ARHGAP10: variants seen among roughly 807,000 people sequenced by gnomAD.
The protein encoded by ARHGAP10 is Rho GTPase activating protein 10.
Under a neutral mutation model 108.6 loss-of-function variants are expected in ARHGAP10, and 87 were observed. The observed-to-expected ratio is 0.80, with a 90% CI of 0.67 to 0.96. ARHGAP10 has a LOEUF of 0.96. ARHGAP10 is among the 40% of genes least tolerant of loss of function. ARHGAP10 has a pLI of 0.00. For synonymous variants in ARHGAP10, 347 were observed against 341.1 expected, an observed-to-expected ratio of 1.02 and a Z score of -0.19; for missense variants, 939 against 954.5, an observed-to-expected ratio of 0.98 and a Z score of 0.21.
At chr4:147,735,690 G>A (rs370644272) in intron 1 of ARHGAP10, among the ~76,000 whole-genome samples, 14 of 152,214 alleles carry the variant, frequency 9.2e-5, no homozygotes, top group South Asian at 2.1e-4. Context: ...TTGTGTGTAG[G>A]GTGAAGTTGG....
At chr4:148,063,550 G>T (rs537612084) in intron 21 of ARHGAP10, among the ~76,000 whole-genome samples, 3 of 152,328 alleles carry the variant, frequency 2.0e-5, no homozygotes, top group Non-Finnish European at 4.4e-5. Flanking sequence ...TGTGGTGCTG[G>T]TTGTGCATTT....
At chr4:147,838,042 A>AAATT (rs1733247489) in intron 3 of ARHGAP10, among the ~76,000 whole-genome samples, 1 of 152,182 alleles carries the variant, frequency 6.6e-6, no homozygotes, top group Non-Finnish European at 1.5e-5. Context: ...TTTAAAATCA[A>AAATT]ATAATAGGCA....
intron 13 of ARHGAP10, among the ~76,000 whole-genome samples, chr4:147,919,742 CT>C (rs1737157479): frequency 6.6e-6 from 1 of 151,940 alleles, no homozygotes; most frequent in Non-Finnish European, 1.5e-5. Context: ...CAATACCCAG[CT>C]AATTTTTTTG....
At chr4:147,776,166 T>A (rs114305661) in intron 1 of ARHGAP10, among the ~76,000 whole-genome samples, 281 of 152,278 alleles carry the variant, frequency 1.8e-3, no homozygotes, top group African/African-American at 6.0e-3. Context: ...GACCTGCTAG[T>A]GGCAACAGAT....
intron 3 of ARHGAP10, among the ~76,000 whole-genome samples, chr4:147,843,267 A>G (rs1733490958): frequency 6.6e-6 from 1 of 152,158 alleles, no homozygotes; most frequent in Non-Finnish European, 1.5e-5. Flanking sequence ...ACATGCTCTC[A>G]TCTCTTAAAT....
intron 3 of ARHGAP10, among the ~76,000 whole-genome samples, chr4:147,832,082 C>T (rs10018553): frequency 0.11 from 16,760 of 152,036 alleles, 1,085 homozygotes; most frequent in African/African-American, 0.18. Context: ...CTGACTGCCC[C>T]GCCCGACATA....
In ARHGAP10 at chr4:147,989,182, C is replaced by G. The variant is rs531733419; in HGVS notation, c.1716+22343C>G. On this transcript the variant is annotated intron_variant, in intron 18 of 22. Coordinates refer to ENST00000336498, the MANE Select transcript of ARHGAP10 (RefSeq NM_024605.4). ...CCAGCAAGTTTTTATTAGGGAGTTT[C>G]AAAAGGGGAGGGAGTATACGAATAG... Among the ~76,000 whole-genome samples, 1,281 of 152,264 alleles carry G rather than the reference C, an allele frequency of 8.4e-3. 9 individuals carry two copies. Among genetic ancestry groups the G allele is most frequent in the African/African-American group, 0.019 (783 of 41,538 alleles).
intron 18 of ARHGAP10, among the ~76,000 whole-genome samples, chr4:147,980,659 C>T (rs1447155008): frequency 6.6e-6 from 1 of 152,104 alleles, no homozygotes; most frequent in African/African-American, 2.4e-5. Context: ...GAATCCATCT[C>T]GTCCAGGGCT....
Position 147,978,116 on chromosome 4 carries a change from G to A in ARHGAP10, c.1716+11277G>A, listed in dbSNP as rs115666524. The stretch of plus-strand genomic sequence containing the variant: ...TCTTTGTTATTGTGAATAATGCTGC[G>A]ATTAACATACAAGTACTGCATGTGT... On this transcript the variant is annotated intron_variant, in intron 18 of 22. Coordinates refer to ENST00000336498, the MANE Select transcript of ARHGAP10 (RefSeq NM_024605.4). 2.2e-3 allele frequency among the ~76,000 whole-genome samples: 336 copies of A among 152,174 alleles called. 2 individuals carry two copies. Among genetic ancestry groups the A allele is most frequent in the African/African-American group, 5.1e-3 (210 of 41,520 alleles).
intron 18 of ARHGAP10, among the ~76,000 whole-genome samples, chr4:147,975,439 C>T (rs1379882818): frequency 6.6e-6 from 1 of 152,138 alleles, no homozygotes; most frequent in Non-Finnish European, 1.5e-5. Flanking sequence ...GTTGCTATAA[C>T]AATACTTGAG....
At chr4:147,975,921 CCT>C (rs2149622779) in intron 18 of ARHGAP10, among the ~76,000 whole-genome samples, 1 of 152,302 alleles carries the variant, frequency 6.6e-6, no homozygotes, top group East Asian at 1.9e-4. Context: ...CCTGCATCTA[CCT>C]CTCTTTGCCA....
chr4:148,052,052 T>C (rs1729160868), intron 20 of ARHGAP10, among the ~76,000 whole-genome samples: 1 of 152,196 alleles, frequency 6.6e-6, no homozygotes, highest in Admixed American at 6.5e-5. Context: ...CCAAATATGA[T>C]TTGTGGCTTA....
At chr4:147,909,642 A>T in intron 11 of ARHGAP10, 90 bp from the exon 12 acceptor site, 4 of 1,092,552 alleles carry the variant, frequency 3.7e-6, no homozygotes, top group Non-Finnish European at 1.3e-6. Context: ...ATAAAAATGT[A>T]TTTTTTTTTG....
At chr4:147,817,065 A>C (rs565258727) in intron 1 of ARHGAP10, among the ~76,000 whole-genome samples, 1 of 152,330 alleles carries the variant, frequency 6.6e-6, no homozygotes, top group South Asian at 2.1e-4. Context: ...CTATTTTAAA[A>C]AGGGCTATGG....
chr4:147,812,236 GA>G lies in ARHGAP10; in HGVS notation c.155-10484del, dbSNP rs201732542. Among the ~76,000 whole-genome samples, 474 of 151,988 alleles carry G rather than the reference GA, an allele frequency of 3.1e-3. 10 individuals carry two copies. The highest frequency in any genetic ancestry group is 0.028 in the Admixed American group (423 of 15,272). ...AAAGGCTGCGTAGGAAGTGGGGAAT[GA>G]AAAAAAGAAAACATCTCTTTGAAAA... On this transcript the variant is annotated intron_variant, in intron 1 of 22. Coordinates refer to ENST00000336498, the MANE Select transcript of ARHGAP10 (RefSeq NM_024605.4).
At chr4:148,060,685 G>A (rs573755455) in intron 20 of ARHGAP10, among the ~76,000 whole-genome samples, 5 of 152,242 alleles carry the variant, frequency 3.3e-5, no homozygotes, top group Non-Finnish European at 7.4e-5. Context: ...GAATATTCCA[G>A]CTTACAGTGT....
chr4:148,048,265 A>G (rs1362039310), intron 20 of ARHGAP10, among the ~76,000 whole-genome samples: 2 of 152,226 alleles, frequency 1.3e-5, no homozygotes, highest in African/African-American at 2.4e-5. Context: ...GTGGCTTTTT[A>G]TAGTTACTGC....
At chr4:147,850,619 C>T (rs1175926390) in intron 4 of ARHGAP10, among the ~76,000 whole-genome samples, 1 of 152,196 alleles carries the variant, frequency 6.6e-6, no homozygotes, top group African/African-American at 2.4e-5. Context: ...CACATCTGAA[C>T]ATCTGAAGGG....
intron 18 of ARHGAP10, among the ~76,000 whole-genome samples, chr4:148,013,746 C>T (rs893975166): frequency 2.7e-4 from 41 of 152,150 alleles, no homozygotes; most frequent in Middle Eastern, 6.8e-3. Context: ...GGCTTGTATT[C>T]CAAAAGAAAA....
Sources: allele counts gnomAD v4.1 joint callset (sites outside exome capture counted in the v4.1 genomes callset), GRCh38; gene constraint gnomAD v4.1.1; transcripts MANE v1.5; gene names NCBI Gene and HGNC (gene_info 2026-07-23, HGNC 2026-07-21).